The following EZR variants were observed in gnomAD, a reference collection of about 807,000 sequenced individuals.
EZR encodes the protein ezrin.
A neutral mutation model predicts 74.8 loss-of-function variants in EZR; 40 were observed. The ratio of observed to expected loss-of-function variants is 0.53; its 90% CI spans 0.42 to 0.70. EZR has a LOEUF of 0.70. EZR is among the 30% of genes least tolerant of loss of function. EZR has a pLI of 0.00. For synonymous variants in EZR, 341 were observed against 283.3 expected, an observed-to-expected ratio of 1.20 and a Z score of -2.05; for missense variants, 678 against 755.8, an observed-to-expected ratio of 0.90 and a Z score of 1.21.
At position 158,787,104 on chromosome 6, in the gene EZR, T is replaced by G. The variant is rs1791603315; in HGVS notation, c.192+4A>C. The stretch of plus-strand genomic sequence containing the variant: ...CAGCCTGTAAATAGTTAATCCTGAC[T>G]TGCCTTCTTATCCAGCTTCAGCCAG... On this transcript the variant is annotated splice_donor_region_variant and intron_variant, in intron 4 of 13. Coordinates refer to ENST00000367075, the MANE Select transcript of EZR (RefSeq NM_001111077.2). The G allele has an allele frequency of 6.2e-7, 1 of 1,612,142 alleles. No homozygotes were observed. The highest frequency in any genetic ancestry group is 8.5e-7 in the Non-Finnish European group (1 of 1,178,404).
intron 8 of EZR, among the ~76,000 whole-genome samples, chr6:158,773,759 G>A (rs771928829): frequency 3.3e-5 from 5 of 152,262 alleles, no homozygotes; most frequent in African/African-American, 1.2e-4. Context: ...GGAAGCGTCC[G>A]AGGAGTCAGA....
intron 2 of EZR, among the ~76,000 whole-genome samples, chr6:158,792,694 A>T (rs539516382): frequency 4.7e-4 from 72 of 152,120 alleles, no homozygotes; most frequent in Non-Finnish European, 9.3e-4. Context: ...GGGCGCCTGT[A>T]GTCACAGCTA....
chr6:158,798,342 G>A (rs1777117257), intron 2 of EZR, among the ~76,000 whole-genome samples: 1 of 152,186 alleles, frequency 6.6e-6, no homozygotes, highest in Non-Finnish European at 1.5e-5. Flanking sequence ...AAAATCTTTA[G>A]GGAGAAACAA....
chr6:158,770,958 C>G, intron 9 of EZR, 64 bp from the exon 10 acceptor site: 1 of 1,609,746 alleles, frequency 6.2e-7, no homozygotes, highest in South Asian at 1.1e-5. Flanking sequence ...GGGGTCAACA[C>G]ACTTCACGGG....
At position 158,813,914 on chromosome 6, in the gene EZR, C is replaced by T. The variant is rs542163453; in HGVS notation, c.12+4168G>A. On this transcript the variant is annotated intron_variant, in intron 2 of 13. Coordinates refer to ENST00000367075, the MANE Select transcript of EZR (RefSeq NM_001111077.2). ...ATCCCCTTTTCCTTCCAGAGCTTAA[C>T]TACAGCAGTGTTCCTTGCTCACTCC... Among the ~76,000 whole-genome samples, 16 of 152,272 alleles carry T rather than the reference C, an allele frequency of 1.1e-4. No homozygotes were observed. In the South Asian group the frequency reaches 1.5e-3, roughly 14 times the overall value.
chr6:158,795,958 G>C (rs1168924409), intron 2 of EZR, among the ~76,000 whole-genome samples: 2 of 152,182 alleles, frequency 1.3e-5, no homozygotes, highest in Non-Finnish European at 2.9e-5. Context: ...GTTTGGACTA[G>C]ATGGCTTGAG....
chr6:158,775,533 T>C (rs774862648), intron 8 of EZR, among the ~76,000 whole-genome samples: 1 of 152,186 alleles, frequency 6.6e-6, no homozygotes, highest in Non-Finnish European at 1.5e-5. Flanking sequence ...CCACAGCCCA[T>C]GTTTGCCTCT....
chr6:158,814,114 G>A (rs1159140295), intron 2 of EZR, among the ~76,000 whole-genome samples: 1 of 152,154 alleles, frequency 6.6e-6, no homozygotes, highest in Non-Finnish European at 1.5e-5. Flanking sequence ...AGCACACCAT[G>A]TCCTGGGGAC....
chr6:158,770,501 C>T (rs12201279), intron 10 of EZR, among the ~76,000 whole-genome samples: 33,438 of 152,094 alleles, frequency 0.22, 3,821 homozygotes, highest in Non-Finnish European at 0.25. Context: ...CTGTCCTCAT[C>T]GGGGAAACTG....
intron 12 of EZR, 151 bp from the exon 13 acceptor site, chr6:158,767,663 T>C: frequency 1.4e-6 from 1 of 714,460 alleles, no homozygotes; most frequent in Non-Finnish European, 2.1e-6. Context: ...ACCCTCAGGG[T>C]GCATGGGGGG....
At chr6:158,813,610 G>C (rs1777492710) in intron 2 of EZR, among the ~76,000 whole-genome samples, 1 of 152,172 alleles carries the variant, frequency 6.6e-6, no homozygotes, top group Non-Finnish European at 1.5e-5. Flanking sequence ...TTGTGAGGGG[G>C]GAGTACATTC....
intron 10 of EZR, among the ~76,000 whole-genome samples, chr6:158,770,333 G>A (rs1373149845): frequency 5.3e-5 from 8 of 152,164 alleles, no homozygotes; most frequent in Admixed American, 1.3e-4. Flanking sequence ...TTGTGTAATC[G>A]GCCCAGCTGC....
chr6:158,810,163 A>G (rs919063281), intron 2 of EZR, among the ~76,000 whole-genome samples: 1 of 152,152 alleles, frequency 6.6e-6, no homozygotes, highest in African/African-American at 2.4e-5. Context: ...TCATGGTGAG[A>G]TATTTTTTAT....
chr6:158,770,035 C>CCCT, intron 10 of EZR, 91 bp from the exon 11 acceptor site: 2 of 1,530,940 alleles, frequency 1.3e-6, no homozygotes, highest in Non-Finnish European at 1.8e-6. Context: ...AGCCACAGAG[C>CCCT]CCTAGACCAA....
intron 2 of EZR, among the ~76,000 whole-genome samples, chr6:158,796,418 C>G (rs555488832): frequency 6.6e-6 from 1 of 152,388 alleles, no homozygotes; most frequent in Non-Finnish European, 1.5e-5. Flanking sequence ...GCACACAGGC[C>G]TGGCGGCAGG....
intron 8 of EZR, among the ~76,000 whole-genome samples, chr6:158,773,314 T>C (rs1256288043): frequency 6.6e-6 from 1 of 152,206 alleles, no homozygotes; most frequent in Non-Finnish European, 1.5e-5. Context: ...GGGAGTCCAC[T>C]GCCAGTGGGT....
chr6:158,819,084 G>C (rs1001225330), intron 1 of EZR, among the ~76,000 whole-genome samples: 1 of 152,112 alleles, frequency 6.6e-6, no homozygotes. Context: ...AGGCACCCAG[G>C]CTCCGCGTTT....
chr6:158,782,853 C>T (rs144435001), intron 7 of EZR, among the ~76,000 whole-genome samples: 192 of 152,316 alleles, frequency 1.3e-3, no homozygotes, highest in African/African-American at 4.5e-3. Flanking sequence ...CCATGGGAAA[C>T]TTGCCCTCAT....
chr6:158,811,858 G>A (rs1159906666), intron 2 of EZR, among the ~76,000 whole-genome samples: 5 of 144,008 alleles, frequency 3.5e-5, no homozygotes, highest in African/African-American at 1.0e-4. Context: ...CTGGGTGACA[G>A]AGTGAGACCC....
Sources: gnomAD v4.1 joint callset for allele counts (sites outside exome capture counted in the v4.1 genomes callset) on GRCh38, gnomAD v4.1.1 for gene constraint, MANE v1.5 for transcripts, NCBI Gene and HGNC (gene_info 2026-07-23, HGNC 2026-07-21) for gene names.